The following ADCK1 variants were observed in gnomAD, a reference collection of about 807,000 sequenced individuals.
ADCK1 encodes aarF domain-containing protein kinase 1.
A neutral mutation model predicts 52.3 loss-of-function variants in ADCK1; 41 were observed. The observed-to-expected ratio is 0.78, with a 90% CI of 0.61 to 1.02. The LOEUF is 1.02. Among genes scored for constraint, ADCK1 ranks in the 50% least tolerant of loss-of-function variants. The pLI, the probability that ADCK1 is intolerant of heterozygous loss-of-function variation, is 0.00. For synonymous variants in ADCK1, 250 were observed against 274.6 expected (o/e 0.91, Z 0.89); for missense variants, 658 against 679.5 (o/e 0.97, Z 0.35).
At position 77,931,676 on chromosome 14, in the gene ADCK1, C is replaced by G; in HGVS notation, c.1365C>G (p.Leu455=). 6.2e-7 allele frequency: 1 copy of G among 1,607,176 alleles called. No homozygotes were observed. Among genetic ancestry groups the G allele is most frequent in the East Asian group, 2.2e-5 (1 of 44,898 alleles). ...LGTRASASSF[L]NMSRCCIRAL... The stretch of plus-strand genomic sequence containing the variant: ...CCCGCGCCAGCGCCAGCTCCTTTCT[C>G]AACATGTCACGTTGCTGCATCAGAG... Residue 455 remains leucine, a synonymous_variant, in exon 10 of 11, where the codon CTC becomes CTG. Coordinates refer to ENST00000238561, the MANE Select transcript of ADCK1 (RefSeq NM_020421.4).
At chr14:77,891,131 T>A (rs2083274836) in intron 5 of ADCK1, among the ~76,000 whole-genome samples, 1 of 151,778 alleles carries the variant, frequency 6.6e-6, no homozygotes, top group Non-Finnish European at 1.5e-5. Flanking sequence ...TTCTCTGAAG[T>A]GGGAGGCAAG....
Position 77,931,666 on chromosome 14 carries a change from G to C in ADCK1, c.1355G>C (p.Ser452Thr). 6.2e-7 allele frequency: 1 copy of C among 1,608,802 alleles called. No individual in the cohort carries two copies. The highest frequency in any genetic ancestry group is 8.5e-7 in the Non-Finnish European group (1 of 1,179,998). Residue 452 changes from serine (S) to threonine (T), a missense_variant, in exon 10 of 11, where the codon AGC becomes ACC. By Grantham distance (58) the Ser-to-Thr change is moderately conservative. Transcript: ENST00000238561. Reference sequence around the variant, plus strand: ...GCCCTGGGCACCCGCGCCAGCGCCAGCTCCTTTCTCAACATGTCACGTTGC... The same window carrying C: ...GCCCTGGGCACCCGCGCCAGCGCCACCTCCTTTCTCAACATGTCACGTTGC... ...EAALGTRASA[S>T]SFLNMSRCCI...
At chr14:77,803,500 A>G (rs549585280) in intron 1 of ADCK1, among the ~76,000 whole-genome samples, 1 of 152,196 alleles carries the variant, frequency 6.6e-6, no homozygotes, top group Non-Finnish European at 1.5e-5. Context: ...TCGTGTGACC[A>G]TCAGCTTCCC....
chr14:77,871,991 C>G (rs931305460), intron 4 of ADCK1, among the ~76,000 whole-genome samples: 6 of 152,178 alleles, frequency 3.9e-5, no homozygotes, highest in Non-Finnish European at 7.3e-5. Context: ...AAGGGTCCTG[C>G]GCTTTTCACA....
chr14:77,804,892 A>G (rs1315844688), intron 1 of ADCK1, among the ~76,000 whole-genome samples: 1 of 152,134 alleles, frequency 6.6e-6, no homozygotes, highest in Admixed American at 6.6e-5. Flanking sequence ...AGTTGAGTAG[A>G]TGCGTCAGAG....
At chr14:77,880,202 G>A (rs1430729266) in intron 4 of ADCK1, among the ~76,000 whole-genome samples, 1 of 152,226 alleles carries the variant, frequency 6.6e-6, no homozygotes, top group Non-Finnish European at 1.5e-5. Flanking sequence ...AGGGAAGAAA[G>A]AAGCTTGGTC....
At chr14:77,915,946 C>A (rs1007535845) in intron 7 of ADCK1, among the ~76,000 whole-genome samples, 1 of 152,128 alleles carries the variant, frequency 6.6e-6, no homozygotes, top group African/African-American at 2.4e-5. Flanking sequence ...ACGCTTGGTA[C>A]GGTGCCAGGC....
chr14:77,818,736 A>C (rs983813181), intron 1 of ADCK1, among the ~76,000 whole-genome samples: 4 of 152,182 alleles, frequency 2.6e-5, no homozygotes, highest in Non-Finnish European at 4.4e-5. Flanking sequence ...GACTTTGAGG[A>C]CTGACTTGCC....
At chr14:77,835,184 A>G (rs2081935602) in intron 3 of ADCK1, among the ~76,000 whole-genome samples, 1 of 152,216 alleles carries the variant, frequency 6.6e-6, no homozygotes, top group African/African-American at 2.4e-5. Context: ...CCTAGGGACC[A>G]TGGCCAATAC....
intron 7 of ADCK1, among the ~76,000 whole-genome samples, chr14:77,915,104 A>G (rs964228501): frequency 6.6e-6 from 1 of 152,094 alleles, no homozygotes; most frequent in Non-Finnish European, 1.5e-5. Context: ...CTGCGGAGGC[A>G]TGAAGACCTT....
chr14:77,818,852 A>G (rs2081519617), intron 1 of ADCK1, 116 bp from the exon 2 acceptor site: 2 of 1,201,582 alleles, frequency 1.7e-6, no homozygotes, highest in African/African-American at 1.5e-5. Context: ...AGGCTCAGTG[A>G]GATTAATGAT....
intron 1 of ADCK1, among the ~76,000 whole-genome samples, chr14:77,807,038 C>CTTT (rs770430499): frequency 4.0e-5 from 4 of 99,236 alleles, no homozygotes; most frequent in Admixed American, 1.2e-4. Context: ...CTCTCTCTCT[C>CTTT]TTTTTTTTTT....
chr14:77,911,256 C>A (rs1355364663), intron 7 of ADCK1, among the ~76,000 whole-genome samples: 1 of 152,214 alleles, frequency 6.6e-6, no homozygotes, highest in East Asian at 1.9e-4. Context: ...GAACTCAGGT[C>A]TGCATGACTC....
intron 7 of ADCK1, among the ~76,000 whole-genome samples, chr14:77,919,050 C>CTTAT (rs998930145): frequency 1.3e-5 from 2 of 152,146 alleles, no homozygotes; most frequent in South Asian, 2.1e-4. Context: ...TACTTGCCCC[C>CTTAT]TTATTTATTT....
intron 10 of ADCK1, among the ~76,000 whole-genome samples, chr14:77,932,479 G>T (rs1156702311): frequency 6.6e-6 from 1 of 152,134 alleles, no homozygotes; most frequent in Admixed American, 6.5e-5. Context: ...ACGTCGGAAG[G>T]GCCCCGCTCT....
chr14:77,933,050 G>A (rs539663265), intron 10 of ADCK1, among the ~76,000 whole-genome samples, 170 bp from the exon 11 acceptor site: 11 of 152,256 alleles, frequency 7.2e-5, no homozygotes, highest in Non-Finnish European at 1.3e-4. Context: ...ATTTCCTCTG[G>A]CTCCCGATTG....
intron 7 of ADCK1, among the ~76,000 whole-genome samples, chr14:77,915,937 C>T (rs192660337): frequency 2.2e-4 from 33 of 152,268 alleles, no homozygotes; most frequent in African/African-American, 6.5e-4. Context: ...TGAAACAGAA[C>T]GCTTGGTACG....
At position 77,914,005 on chromosome 14, in the gene ADCK1, G is replaced by T. The variant is rs556391867; in HGVS notation, c.858+6086G>T. 2.6e-5 allele frequency among the ~76,000 whole-genome samples: 4 copies of T among 152,314 alleles called. No homozygotes were observed. The East Asian group carries it at 7.7e-4, about 29-fold the overall frequency. On this transcript the variant is annotated intron_variant, in intron 7 of 10. Transcript: ENST00000238561. ...AGTCTCCATCTTCTGTCAGGGTCGG[G>T]TGGGGATCTAGGGGTTTAGCTGGTA...
intron 3 of ADCK1, among the ~76,000 whole-genome samples, chr14:77,845,644 C>T (rs569176811): frequency 7.2e-5 from 11 of 152,204 alleles, no homozygotes; most frequent in Admixed American, 3.3e-4. Flanking sequence ...AGGTTGGTCT[C>T]GAGTTCCTGG....
Sources: allele counts gnomAD v4.1 joint callset (sites outside exome capture counted in the v4.1 genomes callset), GRCh38; gene constraint gnomAD v4.1.1; transcripts MANE v1.5; gene names NCBI Gene and HGNC (gene_info 2026-07-23, HGNC 2026-07-21).